Variants in TSNAXIP1 observed in about 807,000 individuals in gnomAD.
TSNAXIP1 encodes translin-associated factor X-interacting protein 1.
TSNAXIP1 carries 89 observed loss-of-function variants against 84.8 expected under a neutral mutation model. That is an observed-to-expected ratio of 1.05 (90% confidence interval 0.88 to 1.25). The LOEUF (loss-of-function observed/expected upper bound fraction) is 1.25. Ranked by LOEUF, TSNAXIP1 falls within the 50% of genes most tolerant of loss-of-function variation. The pLI is 0.00. For synonymous variants in TSNAXIP1, 347 were observed against 335.2 expected (o/e 1.04, Z -0.39); for missense variants, 874 against 887.6 (o/e 0.98, Z 0.20).
chr16:67,821,261 G>GGGGC, intron 4 of TSNAXIP1, 36 bp downstream of exon 4: 1 of 741,944 alleles, frequency 1.3e-6, no homozygotes, highest in South Asian at 1.4e-5. Context: ...GAGGGCGGGG[G>GGGGC]AAGGGTGGGA....
chr16:67,811,339 T>A (rs1167299332), intron 1 of TSNAXIP1, among the ~76,000 whole-genome samples: 1 of 152,156 alleles, frequency 6.6e-6, no homozygotes, highest in South Asian at 2.1e-4. Flanking sequence ...ATTCAACAGC[T>A]TCTCAGAATT....
chr16:67,812,995 A>G (rs1235620045), intron 1 of TSNAXIP1, among the ~76,000 whole-genome samples: 1 of 151,898 alleles, frequency 6.6e-6, no homozygotes, highest in Non-Finnish European at 1.5e-5. Flanking sequence ...ATCTCGGCTC[A>G]CTGCAACCTC....
At chr16:67,812,216 G>C (rs2056149911) in intron 1 of TSNAXIP1, among the ~76,000 whole-genome samples, 1 of 152,090 alleles carries the variant, frequency 6.6e-6, no homozygotes, top group African/African-American at 2.4e-5. Context: ...TTCCACCTGA[G>C]CCTGCCTGCC....
Position 67,825,786 on chromosome 16 carries a change from A to G in TSNAXIP1, c.934A>G (p.Arg312Gly), listed in dbSNP as rs1189435336. 6.2e-7 allele frequency: 1 copy of G among 1,614,198 alleles called. No homozygotes were observed. Among genetic ancestry groups the G allele is most frequent in the Admixed American group, 1.7e-5 (1 of 60,022 alleles). Residue 312 changes from arginine (R) to glycine (G), a missense_variant, in exon 8 of 16, where the codon AGG becomes GGG. Arg to Gly is a moderately radical substitution (Grantham distance 125). Transcript: ENST00000561639. ...MKANFGDVVP[R>G]RDFEMQEKTN... ...GGCCAACTTTGGAGATGTGGTCCCC[A>G]GGAGGGACTTTGAAATGCAGGAGAA...
At chr16:67,824,165 A>G (rs781701773) in intron 5 of TSNAXIP1, among the ~76,000 whole-genome samples, 1 of 152,034 alleles carries the variant, frequency 6.6e-6, no homozygotes, top group Non-Finnish European at 1.5e-5. Flanking sequence ...CCCCTCAGCC[A>G]TTCTGCACAG....
intron 6 of TSNAXIP1, 136 bp downstream of exon 6, chr16:67,824,915 A>T: frequency 1.8e-6 from 2 of 1,124,764 alleles, no homozygotes; most frequent in Non-Finnish European, 2.5e-6. Flanking sequence ...GAGCCTTGCT[A>T]ACTCCACCCT....
chr16:67,819,295 G>C (rs552420906), intron 2 of TSNAXIP1, among the ~76,000 whole-genome samples: 5 of 148,548 alleles, frequency 3.4e-5, no homozygotes, highest in African/African-American at 1.3e-4. Context: ...CGTGGCTGGA[G>C]TGCAAGGGGT....
In TSNAXIP1 at chr16:67,809,973, T is replaced by TA. The variant is rs71892793; in HGVS notation, c.47+2786dup. On this transcript the variant is annotated intron_variant, in intron 1 of 15. Transcript: ENST00000561639. The stretch of plus-strand genomic sequence containing the variant: ...CAAAAAATAGTAAATAAATAAAATT[T>TA]AAAAAAAAATACAACATCATTAATC... Among the ~76,000 whole-genome samples the TA allele has an allele frequency of 8.6e-5, 13 of 151,240 alleles. No individual in the cohort carries two copies. The East Asian group carries it at 1.5e-3, about 18-fold the overall frequency.
At chr16:67,812,475 G>A (rs1172079312) in intron 1 of TSNAXIP1, among the ~76,000 whole-genome samples, 1 of 149,456 alleles carries the variant, frequency 6.7e-6, no homozygotes, top group Non-Finnish European at 1.5e-5. Flanking sequence ...AGACCATCCT[G>A]GCCAACATGG....
intron 1 of TSNAXIP1, 167 bp downstream of exon 1, chr16:67,807,363 A>C (rs2055538878): frequency 6.5e-7 from 1 of 1,532,794 alleles, no homozygotes; most frequent in Non-Finnish European, 8.7e-7. Context: ...AGCCCAGTGA[A>C]GACGTTACGT....
chr16:67,815,966 ATT>A (rs59743468), intron 2 of TSNAXIP1, among the ~76,000 whole-genome samples: 102 of 124,018 alleles, frequency 8.2e-4, no homozygotes, highest in African/African-American at 2.4e-3. Flanking sequence ...TGCCCGGCTA[ATT>A]TTTTTTTTTT....
Position 67,823,625 on chromosome 16 carries a change from G to A in TSNAXIP1, c.388-1G>A, listed in dbSNP as rs1480885692. The A allele has an allele frequency of 1.9e-6, 3 of 1,613,438 alleles. No individual in the cohort carries two copies. The stretch of plus-strand genomic sequence containing the variant: ...GATGATGGGTTCCCTTTTCTTGCCA[G>A]CCTTACAGAGAGATCTTTGAGTTCT... On this transcript the variant is annotated splice_acceptor_variant, in intron 4 of 15. Coordinates refer to ENST00000561639, the MANE Select transcript of TSNAXIP1 (RefSeq NM_001288990.3). LOFTEE classifies it high-confidence loss of function.
At position 67,823,676 on chromosome 16, in the gene TSNAXIP1, G is replaced by A; in HGVS notation, c.438G>A (p.Lys146=). 1 of 1,613,738 alleles carries A rather than the reference G, an allele frequency of 6.2e-7. No individual in the cohort carries two copies. Among genetic ancestry groups the A allele is most frequent in the Non-Finnish European group, 8.5e-7 (1 of 1,179,832 alleles). ...TCATAGAGGACTTCAAAACGTACAA[G>A]CCATTACTATCCTCCATCAAGAATG... ...EFFIEDFKTY[K]PLLSSIKNAY... is the part of the protein sequence containing the mutation. Residue 146 remains lysine, a synonymous_variant, in exon 5 of 16, where the codon AAG becomes AAA. Transcript: ENST00000561639.
intron 2 of TSNAXIP1, among the ~76,000 whole-genome samples, chr16:67,815,967 T>A (rs1302220320): frequency 9.1e-6 from 1 of 109,936 alleles, no homozygotes; most frequent in Non-Finnish European, 1.7e-5. Context: ...GCCCGGCTAA[T>A]TTTTTTTTTT....
rs772987883 is a variant in TSNAXIP1 at position 67,827,303 on chromosome 16, GA to G, written c.1720del (p.Met574TrpfsTer52). On this transcript the variant is annotated frameshift_variant, in exon 14 of 16. Coordinates refer to ENST00000561639, the MANE Select transcript of TSNAXIP1 (RefSeq NM_001288990.3). LOFTEE classifies it high-confidence loss of function. ...AGACAGAAGAGCAAATCCAGGAGCT[GA>G]TGGAGGCAGGGGGCTGGCATCCCAG... ...LKTEEQIQELMEAGGWHPSSS... is the reference protein window; with the variant it reads ...LKTEEQIQELXEAGGWHPSSS... The G allele has an allele frequency of 2.5e-6, 4 of 1,614,128 alleles. No individual in the cohort carries two copies. In the East Asian group the frequency reaches 8.9e-5, roughly 36 times the overall value.
chr16:67,818,102 G>C (rs974256159), intron 2 of TSNAXIP1, among the ~76,000 whole-genome samples: 1 of 151,930 alleles, frequency 6.6e-6, no homozygotes, highest in Admixed American at 6.6e-5. Context: ...CCGGCTACTC[G>C]GGAGGCTGAG....
At chr16:67,815,691 G>A (rs2056485638) in intron 2 of TSNAXIP1, among the ~76,000 whole-genome samples, 1 of 151,796 alleles carries the variant, frequency 6.6e-6, no homozygotes, top group African/African-American at 2.4e-5. Flanking sequence ...TAGAGGCAGA[G>A]TCTAACTACG....
intron 6 of TSNAXIP1, 100 bp from the exon 7 acceptor site, chr16:67,825,037 C>T (rs1483844796): frequency 6.6e-7 from 1 of 1,506,034 alleles, no homozygotes; most frequent in Non-Finnish European, 8.9e-7. Flanking sequence ...GTTCACAGTC[C>T]CTGATGGGGC....
chr16:67,809,872 C>A (rs2055884386), intron 1 of TSNAXIP1, among the ~76,000 whole-genome samples: 2 of 152,042 alleles, frequency 1.3e-5, no homozygotes, highest in East Asian at 1.9e-4. Context: ...TCGCTTGAAC[C>A]TGGGAGGCGG....
Sources: gnomAD v4.1 joint callset for allele counts (sites outside exome capture counted in the v4.1 genomes callset) on GRCh38, gnomAD v4.1.1 for gene constraint, MANE v1.5 for transcripts, NCBI Gene and HGNC (gene_info 2026-07-23, HGNC 2026-07-21) for gene names.